HTT: variants seen among roughly 807,000 people sequenced by gnomAD.
The protein encoded by HTT is huntingtin.
HTT carries 104 observed loss-of-function variants against 362.3 expected under a neutral mutation model. The observed-to-expected ratio is 0.29, with a 90% CI of 0.24 to 0.34. The LOEUF (loss-of-function observed/expected upper bound fraction) is 0.34, where lower values mean the gene tolerates loss of function less well. Ranked by LOEUF, HTT falls within the 10% of genes least tolerant of loss-of-function variation. The probability of loss-of-function intolerance (pLI) is 1.00; values close to 1 mark genes in which losing one functional copy is unlikely to be tolerated. For synonymous variants in HTT, 1,577 were observed against 1,548.7 expected, an observed-to-expected ratio of 1.02 and a Z score of -0.43; for missense variants, 3,301 against 3,928.6, an observed-to-expected ratio of 0.84 and a Z score of 4.27.
chr4:3,206,558 G>T lies in HTT; in HGVS notation c.5781G>T (p.Leu1927=). The part of the protein sequence containing the change: ...TWLIVNHIQD[L]ISLSHEPPVQ... ...TCATTGTAAATCACATTCAAGATCT[G>T]ATCAGCCTTTCCCACGAGCCTCCAG... Residue 1927 remains leucine, a synonymous_variant, in exon 43 of 67, where the codon CTG becomes CTT. Coordinates refer to ENST00000355072, the MANE Select transcript of HTT (RefSeq NM_001388492.1). The surrounding 1 kb of genome is among the most constrained non-coding windows in gnomAD (Gnocchi z 4.6). 6.2e-7 allele frequency: 1 copy of T among 1,614,048 alleles called. No homozygotes were observed. Among genetic ancestry groups the T allele is most frequent in the Non-Finnish European group, 8.5e-7 (1 of 1,179,980 alleles).
intron 8 of HTT, among the ~76,000 whole-genome samples, chr4:3,117,572 C>A (rs1283655849): frequency 6.6e-6 from 1 of 152,142 alleles, no homozygotes; most frequent in Non-Finnish European, 1.5e-5. Flanking sequence ...ATGCAGTGTT[C>A]ATGCCTGTAA....
At chr4:3,105,279 G>C in intron 4 of HTT, 78 bp from the exon 5 acceptor site, 1 of 964,148 alleles carries the variant, frequency 1.0e-6, no homozygotes, top group Non-Finnish European at 1.7e-6. Context: ...AACAAGGAAA[G>C]AAAATGCTTC....
At chr4:3,083,592 T>C (rs546099681) in intron 1 of HTT, among the ~76,000 whole-genome samples, 2 of 151,176 alleles carry the variant, frequency 1.3e-5, no homozygotes, top group African/African-American at 2.4e-5. Context: ...CACACATATA[T>C]ATGTATATAT....
chr4:3,215,726 A>G (rs887888336), intron 51 of HTT, among the ~76,000 whole-genome samples: 2 of 152,194 alleles, frequency 1.3e-5, no homozygotes, highest in African/African-American at 4.8e-5. Flanking sequence ...AAAAAAAAAA[A>G]TCCAAATCCC....
intron 18 of HTT, 151 bp from the exon 19 acceptor site, chr4:3,134,250 G>A (rs1315980986): frequency 4.8e-5 from 29 of 602,202 alleles, no homozygotes; most frequent in Middle Eastern, 9.6e-4. Context: ...CTTAATCAAT[G>A]TTCTTGAGAG....
In HTT at chr4:3,228,188, C is replaced by T. The variant is rs761365758; in HGVS notation, c.7849-427C>T. ...TGCGTGGTGGCTGCGTGATCTAGAG[C>T]GCGGGTCACAAAGGCGCGAGGGAGC... On this transcript the variant is annotated intron_variant, in intron 57 of 66. Transcript: ENST00000355072. The surrounding 1 kb of genome is among the most constrained non-coding windows in gnomAD (Gnocchi z 4.3). Among the ~76,000 whole-genome samples, 1 of 152,140 alleles carries T rather than the reference C, an allele frequency of 6.6e-6. No individual in the cohort carries two copies. Among genetic ancestry groups the T allele is most frequent in the Non-Finnish European group, 1.5e-5 (1 of 68,018 alleles).
intron 35 of HTT, among the ~76,000 whole-genome samples, chr4:3,179,450 C>T (rs573133014): frequency 2.6e-5 from 4 of 152,082 alleles, no homozygotes; most frequent in Admixed American, 6.6e-5. Flanking sequence ...TGCATGCCAC[C>T]GAAGGGTCAG....
At position 3,240,183 on chromosome 4, in the gene HTT, G is replaced by C; in HGVS notation, c.*124G>C. 1 of 773,640 alleles carries C rather than the reference G, an allele frequency of 1.3e-6. No individual in the cohort carries two copies. The allele number at this position is 773,640 out of a possible 1,614,324, so 47.9% of individuals were successfully genotyped here. On this transcript the variant is annotated 3_prime_UTR_variant, in exon 67 of 67. Coordinates refer to ENST00000355072, the MANE Select transcript of HTT (RefSeq NM_001388492.1). ...ATGGGCTTCCGCACATGCCGCGGGC[G>C]GCCAGGCAACGTGCGTGTCTCTGCC...
At chr4:3,185,266 G>A (rs10488840) in intron 37 of HTT, among the ~76,000 whole-genome samples, 18,320 of 152,186 alleles carry the variant, frequency 0.12, 1,267 homozygotes, top group African/African-American at 0.19. Context: ...ACAAATCGCC[G>A]TTGTGGTGTT....
In HTT at chr4:3,206,370, T is replaced by C; in HGVS notation, c.5719-126T>C. On this transcript the variant is annotated intron_variant, in intron 42 of 66. Transcript: ENST00000355072. This position sits in a 1 kb window ranked among gnomAD's most constrained non-coding sequence, Gnocchi z 4.6. ...ATTATTTGTGCTCATACACTGTATA[T>C]TTTTAGTGAGGTTTATATTTGGGAT... 1.4e-6 allele frequency: 1 copy of C among 723,768 alleles called. No homozygotes were observed. The highest frequency in any genetic ancestry group is 1.8e-5 in the South Asian group (1 of 55,166). The allele number at this position is 723,768 out of a possible 1,614,324, so 44.8% of individuals were successfully genotyped here. A position where few individuals can be genotyped will look rare whatever the true frequency, so the allele number is the denominator to read the frequency against.
chr4:3,159,323 G>T (rs1717324227), intron 28 of HTT, among the ~76,000 whole-genome samples: 1 of 152,186 alleles, frequency 6.6e-6, no homozygotes. Context: ...TTCCCATGGT[G>T]AACTTCTCTT....
At chr4:3,197,915 C>T (rs1278372315) in intron 40 of HTT, among the ~76,000 whole-genome samples, 1 of 152,200 alleles carries the variant, frequency 6.6e-6, no homozygotes, top group Non-Finnish European at 1.5e-5. Flanking sequence ...CATGCCTCTT[C>T]ACTCAGGGGG....
At chr4:3,207,410 G>A in intron 45 of HTT, 53 bp downstream of exon 45, 1 of 1,401,616 alleles carries the variant, frequency 7.1e-7, no homozygotes, top group Non-Finnish European at 1.0e-6. Flanking sequence ...AGGATATAAA[G>A]GATATAGATT....
chr4:3,212,116 A>G lies in HTT; in HGVS notation c.6602A>G (p.Tyr2201Cys), dbSNP rs1483346862. The change falls in exon 48 of 67, where the codon TAC becomes TGC. Residue 2201 changes from tyrosine to cysteine, a missense_variant. Coordinates refer to ENST00000355072, the MANE Select transcript of HTT (RefSeq NM_001388492.1). ...GAGCTGCCTGCAGAGCCGGCGGCCT[A>G]CTGGAGCAAGTTGAATGATCTGTTT... ...QPELPAEPAA[Y>C]WSKLNDLFGD... 2.5e-6 allele frequency: 4 copies of G among 1,613,512 alleles called. No homozygotes were observed. Among genetic ancestry groups the G allele is most frequent in the Non-Finnish European group, 3.4e-6 (4 of 1,179,502 alleles).
rs561222031 is a variant in HTT at position 3,212,724 on chromosome 4, G to C, written c.6774+15G>C. 6.2e-7 allele frequency: 1 copy of C among 1,613,930 alleles called. No individual in the cohort carries two copies. The highest frequency in any genetic ancestry group is 8.5e-7 in the Non-Finnish European group (1 of 1,179,944). Reference sequence around the variant, plus strand: ...CAACCCTTGAGGTAAGAGGCAGCTCGGGAGCTCAGTGTTGCTGTGGGGAGG... The same window carrying C: ...CAACCCTTGAGGTAAGAGGCAGCTCCGGAGCTCAGTGTTGCTGTGGGGAGG... On this transcript the variant is annotated intron_variant, in intron 49 of 66. Coordinates refer to ENST00000355072, the MANE Select transcript of HTT (RefSeq NM_001388492.1).
chr4:3,104,239 TC>T (rs1207819943), intron 4 of HTT, among the ~76,000 whole-genome samples: 1 of 151,870 alleles, frequency 6.6e-6, no homozygotes, highest in Admixed American at 6.5e-5. Context: ...CCTCAGGTGA[TC>T]CGCCCGCCTC....
chr4:3,233,982 G>A (rs959677802), intron 61 of HTT, among the ~76,000 whole-genome samples: 39 of 152,382 alleles, frequency 2.6e-4, no homozygotes, highest in African/African-American at 9.1e-4. Context: ...TCTGCACACG[G>A]GAGCTGTCTT....
At chr4:3,144,339 A>T (rs1383648294) in intron 23 of HTT, among the ~76,000 whole-genome samples, 1 of 152,084 alleles carries the variant, frequency 6.6e-6, no homozygotes, top group South Asian at 2.1e-4. Context: ...ATTTTTTGAG[A>T]TGGAATCTCA....
intron 12 of HTT, chr4:3,128,693 T>A (rs1715637663): frequency 6.6e-6 from 1 of 152,226 alleles, no homozygotes; most frequent in Admixed American, 6.5e-5. Flanking sequence ...CCCTCATGGA[T>A]AGTCTAATAA....
Sources: allele counts gnomAD v4.1 joint callset (sites outside exome capture counted in the v4.1 genomes callset), GRCh38; gene constraint gnomAD v4.1.1; non-coding constraint Gnocchi (gnomAD v3.1); transcripts MANE v1.5; gene names NCBI Gene and HGNC (gene_info 2026-07-23, HGNC 2026-07-21).